MYOM1: variants seen among roughly 807,000 people sequenced by gnomAD.
MYOM1 encodes the protein myomesin-1.
In MYOM1, 164 loss-of-function variants were observed where a neutral mutation model predicts 205.3. That is an observed-to-expected ratio of 0.80 (90% CI 0.70 to 0.91). The LOEUF (loss-of-function observed/expected upper bound fraction) is 0.91, where lower values mean the gene tolerates loss of function less well. Among genes scored for constraint, MYOM1 ranks in the 40% least tolerant of loss-of-function variants. The pLI is 0.00. For synonymous variants in MYOM1, 772 were observed against 789.4 expected, an observed-to-expected ratio of 0.98 and a Z score of 0.37; for missense variants, 2,011 against 2,127.3, an observed-to-expected ratio of 0.95 and a Z score of 1.08.
rs375113650 is a variant in MYOM1 at position 3,215,107 on chromosome 18, G to A, written c.117C>T (p.Tyr39=). ...YQREKKRSAV[Y]TQGSTAYSSR... is the part of the protein sequence containing the mutation. ...TGCTGTAGGCCGTGGAGCCCTGGGT[G>A]TAGACGGCGGAGCGTTTCTTCTCCC... is the stretch of plus-strand genomic sequence containing the variant. The change falls in exon 2 of 38, where the codon TAC becomes TAT. Residue 39 remains tyrosine, a synonymous_variant. Coordinates refer to ENST00000356443, the MANE Select transcript of MYOM1 (RefSeq NM_003803.4). 351 of 1,613,862 alleles carry A rather than the reference G, an allele frequency of 2.2e-4. 2 individuals carry two copies. The African/African-American group carries it at 4.0e-3, about 19-fold the overall frequency.
Position 3,067,310 on chromosome 18 carries a change from C to T in MYOM1, c.5010G>A (p.Ala1670=), listed in dbSNP as rs759356591. ...TCAGGGACTCCAAGGCGGCCATCCT[C>T]GCCTCCTCCTCTGGGATGAACACGC... is the stretch of plus-strand genomic sequence containing the variant. ...TVSVFIPEEE[A]RMAALESLKG... Residue 1670 remains alanine, a synonymous_variant, in exon 38 of 38, where the codon GCG becomes GCA. Transcript: ENST00000356443. 160 of 1,611,026 alleles carry T rather than the reference C, an allele frequency of 9.9e-5. No individual in the cohort carries two copies. The highest frequency in any genetic ancestry group is 1.2e-4 in the Non-Finnish European group (144 of 1,179,490).
chr18:3,072,973 A>AC (rs1555613713), intron 36 of MYOM1, among the ~76,000 whole-genome samples: 1 of 102,440 alleles, frequency 9.8e-6, no homozygotes, highest in Non-Finnish European at 1.9e-5. Flanking sequence ...AGATGTAAGC[A>AC]TTTTTTTTTT....
intron 17 of MYOM1, among the ~76,000 whole-genome samples, chr18:3,131,146 G>A (rs1340800952): frequency 6.6e-6 from 1 of 152,200 alleles, no homozygotes; most frequent in East Asian, 1.9e-4. Context: ...ACTTGGGTTC[G>A]TGAAGATGAA....
chr18:3,082,690 A>G (rs760226249), intron 33 of MYOM1, among the ~76,000 whole-genome samples: 9 of 152,154 alleles, frequency 5.9e-5, no homozygotes, highest in Non-Finnish European at 1.2e-4. Flanking sequence ...TCAGCTCAGG[A>G]TATTTCAAGG....
In MYOM1 at chr18:3,152,457, AC is replaced by A. The variant is rs2080235590; in HGVS notation, c.1644-565del. ...GATGTTTGTTTCTTTAACAGAAGAG[AC>A]TGATGACAGGTGGGGAGATGCCCAG... On this transcript the variant is annotated intron_variant, in intron 11 of 37. Transcript: ENST00000356443. This position sits in a 1 kb window ranked among gnomAD's most constrained non-coding sequence, Gnocchi z 4.3. Among the ~76,000 whole-genome samples the A allele has an allele frequency of 3.3e-5, 5 of 152,130 alleles. No individual in the cohort carries two copies. The South Asian group carries it at 1.0e-3, about 31-fold the overall frequency.
At position 3,189,063 on chromosome 18, in the gene MYOM1, A is replaced by G; in HGVS notation, c.456T>C (p.Thr152=). The G allele has an allele frequency of 1.2e-6, 2 of 1,612,854 alleles. No homozygotes were observed. The highest frequency in any genetic ancestry group is 2.2e-5 in the East Asian group (1 of 44,842). The change falls in exon 4 of 38, where the codon ACT becomes ACC. Residue 152 remains threonine (T), a synonymous_variant. Transcript: ENST00000356443. The surrounding 1 kb of genome is among the most constrained non-coding windows in gnomAD (Gnocchi z 4.8). ...SGRQKHVSGI[T]DTEEERIKEA... ...CTTTAATTCTTTCTTCTTCCGTATC[A>G]GTAATTCCACTGACATGCTTTTGAC...
intron 18 of MYOM1, among the ~76,000 whole-genome samples, chr18:3,127,314 T>A (rs1236559437): frequency 1.5e-5 from 2 of 130,440 alleles, no homozygotes; most frequent in African/African-American, 3.1e-5. Context: ...TATTTTTTTT[T>A]TTTTTTTTTT....
intron 19 of MYOM1, among the ~76,000 whole-genome samples, chr18:3,122,320 G>A (rs1471441821): frequency 6.6e-6 from 1 of 151,920 alleles, no homozygotes; most frequent in Non-Finnish European, 1.5e-5. Context: ...GAAAGTTAAA[G>A]GATGAAAAGC....
chr18:3,197,639 C>T lies in MYOM1; in HGVS notation c.291-3681G>A, dbSNP rs186649683. Among the ~76,000 whole-genome samples, 949 of 151,980 alleles carry T rather than the reference C, an allele frequency of 6.2e-3. 16 individuals carry two copies. Among genetic ancestry groups the T allele is most frequent in the African/African-American group, 0.021 (866 of 41,446 alleles). ...CTGTAATCCCAGCACGTTGGGAGGC[C>T]AAGGCGGGCGGATCACGAGGTCAGG... On this transcript the variant is annotated intron_variant, in intron 2 of 37. Coordinates refer to ENST00000356443, the MANE Select transcript of MYOM1 (RefSeq NM_003803.4).
intron 33 of MYOM1, among the ~76,000 whole-genome samples, chr18:3,080,909 G>A (rs2079077569): frequency 6.6e-6 from 1 of 152,008 alleles, no homozygotes; most frequent in African/African-American, 2.4e-5. Flanking sequence ...CGAGGCAGGT[G>A]GATCACGAAG....
rs981457749 is a variant in MYOM1 at position 3,219,205 on chromosome 18, C to T, written c.-29+598G>A. The stretch of plus-strand genomic sequence containing the variant: ...GTAATTTATGATACTTTTGTGCAGG[C>T]ATTAGAGGGCAGAAGCTGATGAAAA... On this transcript the variant is annotated intron_variant, in intron 1 of 37. Coordinates refer to ENST00000356443, the MANE Select transcript of MYOM1 (RefSeq NM_003803.4). This position sits in a 1 kb window ranked among gnomAD's most constrained non-coding sequence, Gnocchi z 4.4. Among the ~76,000 whole-genome samples the T allele has an allele frequency of 3.3e-5, 5 of 152,090 alleles. No individual in the cohort carries two copies. The highest frequency in any genetic ancestry group is 1.2e-4 in the African/African-American group (5 of 41,422).
chr18:3,079,060 G>A (rs1598649950), intron 34 of MYOM1, 119 bp downstream of exon 34: 2 of 943,390 alleles, frequency 2.1e-6, no homozygotes, highest in Non-Finnish European at 3.2e-6. Flanking sequence ...TCATCCTCCT[G>A]CCTTGGCCTC....
rs781727459 is a variant in MYOM1, at chr18:3,089,250, T to C, written c.4070-9A>G. The C allele has an allele frequency of 1.9e-6, 3 of 1,605,506 alleles. No individual in the cohort carries two copies. Among genetic ancestry groups the C allele is most frequent in the East Asian group, 4.5e-5 (2 of 44,718 alleles). On this transcript the variant is annotated splice_polypyrimidine_tract_variant and intron_variant, in intron 28 of 37. Transcript: ENST00000356443. ...CTCAACAAAGTGAGGACCTATAAAA[T>C]TTTAATGACATTAGCAATTACTCTA...
intron 25 of MYOM1, among the ~76,000 whole-genome samples, chr18:3,094,903 T>A (rs559931179): frequency 3.3e-5 from 5 of 152,220 alleles, no homozygotes; most frequent in African/African-American, 1.2e-4. Flanking sequence ...CCTCAAGTGA[T>A]CCTCCTTGGC....
chr18:3,154,814 G>A lies in MYOM1; in HGVS notation c.1643+133C>T, dbSNP rs991389415. ...ACAAATAGAGAAAAAGAAAGATGAA[G>A]AGAGATACAGAAATAGAAAGAGGAG... is the stretch of plus-strand genomic sequence containing the variant. On this transcript the variant is annotated intron_variant, in intron 11 of 37. Coordinates refer to ENST00000356443, the MANE Select transcript of MYOM1 (RefSeq NM_003803.4). 1.0e-4 allele frequency: 98 copies of A among 945,810 alleles called. No individual in the cohort carries two copies. In the East Asian group the frequency reaches 2.4e-3, roughly 24 times the overall value. 58.6% of individuals were successfully genotyped at this position (945,810 alleles called of 1,614,324 possible).
chr18:3,146,972 A>G (rs1328137962), intron 13 of MYOM1, among the ~76,000 whole-genome samples: 1 of 149,888 alleles, frequency 6.7e-6, no homozygotes. Context: ...GTGTTTCTTT[A>G]TACTAGCATA....
chr18:3,095,970 G>A (rs2079297889), intron 25 of MYOM1, among the ~76,000 whole-genome samples: 3 of 152,174 alleles, frequency 2.0e-5, no homozygotes, highest in Non-Finnish European at 2.9e-5. Context: ...AACTTACTAT[G>A]TGAGTGAGGA....
At chr18:3,087,491 T>A (rs2079167488) in intron 29 of MYOM1, among the ~76,000 whole-genome samples, 1 of 146,606 alleles carries the variant, frequency 6.8e-6, no homozygotes, top group South Asian at 2.1e-4. Flanking sequence ...CTACGTTCTT[T>A]TTTTTTTTTT....
intron 19 of MYOM1, among the ~76,000 whole-genome samples, chr18:3,122,946 C>G (rs1163569892): frequency 6.6e-6 from 1 of 152,100 alleles, no homozygotes; most frequent in Non-Finnish European, 1.5e-5. Flanking sequence ...TAAAATTTCC[C>G]TTTAAGATAA....
Sources: gnomAD v4.1 joint callset for allele counts (sites outside exome capture counted in the v4.1 genomes callset) on GRCh38, gnomAD v4.1.1 for gene constraint, Gnocchi (gnomAD v3.1) non-coding constraint, MANE v1.5 for transcripts, NCBI Gene and HGNC (gene_info 2026-07-23, HGNC 2026-07-21) for gene names.